The following SEC61A2 variants were observed in gnomAD, a reference collection of about 807,000 sequenced individuals.
SEC61A2 encodes the protein protein transport protein Sec61 subunit alpha isoform 2.
In SEC61A2, 28 loss-of-function variants were observed where a neutral mutation model predicts 59.9. The observed-to-expected ratio is 0.47, with a 90% confidence interval of 0.35 to 0.64. The LOEUF is 0.64. SEC61A2 is among the 30% of genes least tolerant of loss of function. SEC61A2 has a pLI of 0.01. For missense variants in SEC61A2, 340 were observed against 585.9 expected, an observed-to-expected ratio of 0.58 and a Z score of 4.33; for synonymous variants, 202 against 214.4, an observed-to-expected ratio of 0.94 and a Z score of 0.50.
intron 11 of SEC61A2, among the ~76,000 whole-genome samples, chr10:12,163,426 G>A (rs1393503616): frequency 6.6e-6 from 1 of 150,408 alleles, no homozygotes; most frequent in Non-Finnish European, 1.5e-5. Context: ...CTGGGATCAA[G>A]CGATTCTCCT....
chr10:12,139,920 G>C lies in SEC61A2; in HGVS notation c.142-3197G>C, dbSNP rs931458297. ...GGAGGCGGAGCTTGCAGTGAGCCGA[G>C]ATCCCGCCACTGCACTCCAGCCTGG... On this transcript the variant is annotated intron_variant, in intron 3 of 11. Transcript: ENST00000298428. Among the ~76,000 whole-genome samples, 17 of 148,652 alleles carry C rather than the reference G, an allele frequency of 1.1e-4. No individual in the cohort carries two copies. In the South Asian group the frequency reaches 1.5e-3, roughly 13 times the overall value.
rs952774952 is a variant in SEC61A2, at chr10:12,129,936, C to T, written c.7+142C>T. Reference sequence around the variant, plus strand: ...TCCGGGCCTCAGCGGAGGGCACGGGCCGGGGGCCTCCGCCGAGGCTCCCCT... The same window carrying T: ...TCCGGGCCTCAGCGGAGGGCACGGGTCGGGGGCCTCCGCCGAGGCTCCCCT... On this transcript the variant is annotated intron_variant, in intron 1 of 11. Transcript: ENST00000298428. The surrounding 1 kb of genome is among the most constrained non-coding windows in gnomAD (Gnocchi z 5.6). 66 of 718,304 alleles carry T rather than the reference C, an allele frequency of 9.2e-5. No homozygotes were observed. In the African/African-American group the frequency reaches 1.1e-3, roughly 12 times the overall value. The allele number at this position is 718,304 out of a possible 1,614,324, so 44.5% of individuals were successfully genotyped here. A position where few individuals can be genotyped will look rare whatever the true frequency, so the allele number is the denominator to read the frequency against.
chr10:12,156,617 A>G lies in SEC61A2; in HGVS notation c.617-290A>G, dbSNP rs1369486581. ...CTCTCCCTTCCCTGAAGTAGAGGAG[A>G]GGCAAATCTCTATGAATGAAATTTT... On this transcript the variant is annotated intron_variant, in intron 7 of 11. Transcript: ENST00000298428. This position sits in a 1 kb window ranked among gnomAD's most constrained non-coding sequence, Gnocchi z 5.2. Among the ~76,000 whole-genome samples the G allele has an allele frequency of 6.6e-6, 1 of 152,204 alleles. No homozygotes were observed. Among genetic ancestry groups the G allele is most frequent in the Non-Finnish European group, 1.5e-5 (1 of 68,036 alleles).
intron 11 of SEC61A2, among the ~76,000 whole-genome samples, chr10:12,163,440 T>C (rs1834578556): frequency 6.6e-6 from 1 of 150,520 alleles, no homozygotes; most frequent in Non-Finnish European, 1.5e-5. Context: ...TTCTCCTGTC[T>C]CAGCCTCCCT....
chr10:12,161,301 C>T lies in SEC61A2; in HGVS notation c.1167+180C>T, dbSNP rs1359031482. Among the ~76,000 whole-genome samples the T allele has an allele frequency of 2.6e-5, 4 of 152,092 alleles. No individual in the cohort carries two copies. Among genetic ancestry groups the T allele is most frequent in the African/African-American group, 7.2e-5 (3 of 41,384 alleles). On this transcript the variant is annotated intron_variant, in intron 10 of 11. Transcript: ENST00000298428. This position sits in a 1 kb window ranked among gnomAD's most constrained non-coding sequence, Gnocchi z 5.4. ...TAAAAAAATACAAATAAAAATCGGC[C>T]GGGCACGGTGGTGCAAGCCCGTGGT...
chr10:12,151,639 C>A (rs1322068986), intron 6 of SEC61A2, among the ~76,000 whole-genome samples: 1 of 151,656 alleles, frequency 6.6e-6, no homozygotes, highest in Non-Finnish European at 1.5e-5. Flanking sequence ...TTCAAAAGAT[C>A]AAGATCAAGC....
At chr10:12,157,869 T>G (rs372426395) in intron 8 of SEC61A2, 39 bp from the exon 9 acceptor site, 3 of 1,574,496 alleles carry the variant, frequency 1.9e-6, no homozygotes, top group Non-Finnish European at 2.6e-6. Context: ...TTTCTTAATG[T>G]GTCTGGCTCC....
At position 12,156,008 on chromosome 10, in the gene SEC61A2, A is replaced by G. The variant is rs1174976399; in HGVS notation, c.616+77A>G. On this transcript the variant is annotated intron_variant, in intron 7 of 11. Transcript: ENST00000298428. The surrounding 1 kb of genome is among the most constrained non-coding windows in gnomAD (Gnocchi z 5.2). ...GAACAAACCCATCGTGTCGCAGTACATGCCTAGAGCCGTTCTGGTTTGCTC... is the reference window on the plus strand; with the variant it reads ...GAACAAACCCATCGTGTCGCAGTACGTGCCTAGAGCCGTTCTGGTTTGCTC... 17 of 1,510,454 alleles carry G rather than the reference A, an allele frequency of 1.1e-5. No homozygotes were observed. Among genetic ancestry groups the G allele is most frequent in the Non-Finnish European group, 1.6e-5 (17 of 1,090,410 alleles). 93.6% of individuals were successfully genotyped at this position (1,510,454 alleles called of 1,614,324 possible).
In SEC61A2 at chr10:12,161,118, A is replaced by G; in HGVS notation, c.1164A>G (p.Lys388=). The G allele has an allele frequency of 1.2e-6, 2 of 1,604,296 alleles. No individual in the cohort carries two copies. The highest frequency in any genetic ancestry group is 1.7e-6 in the Non-Finnish European group (2 of 1,175,122). ...TWIEVSGSSA[K]DVAKQLKEQQ... is the part of the protein sequence containing the mutation. Reference sequence around the variant, plus strand: ...TTGAAGTGTCTGGTTCCTCAGCCAAAGATGTAAGTGTTTGGTTTATTTTAA... The same window carrying G: ...TTGAAGTGTCTGGTTCCTCAGCCAAGGATGTAAGTGTTTGGTTTATTTTAA... Residue 388 remains lysine, a synonymous_variant, in exon 10 of 12, where the codon AAA becomes AAG. Coordinates refer to ENST00000298428, the MANE Select transcript of SEC61A2 (RefSeq NM_018144.4). This position sits in a 1 kb window ranked among gnomAD's most constrained non-coding sequence, Gnocchi z 5.4.
chr10:12,146,511 C>CT (rs373065135), intron 4 of SEC61A2, among the ~76,000 whole-genome samples: 1,658 of 147,682 alleles, frequency 0.011, 47 homozygotes, highest in East Asian at 0.096. Context: ...TGTTTTTTTC[C>CT]TTTTTTTTTT....
chr10:12,134,845 G>T (rs1833848574), intron 2 of SEC61A2, among the ~76,000 whole-genome samples: 1 of 152,020 alleles, frequency 6.6e-6, no homozygotes, highest in Non-Finnish European at 1.5e-5. Context: ...TTGAACCTGG[G>T]GTGGTAGAGG....
At position 12,156,005 on chromosome 10, in the gene SEC61A2, TACA is replaced by T. The variant is rs1428475768; in HGVS notation, c.616+75_616+77del. On this transcript the variant is annotated intron_variant, in intron 7 of 11. Coordinates refer to ENST00000298428, the MANE Select transcript of SEC61A2 (RefSeq NM_018144.4). This position sits in a 1 kb window ranked among gnomAD's most constrained non-coding sequence, Gnocchi z 5.2. ...TGGGAACAAACCCATCGTGTCGCAG[TACA>T]TGCCTAGAGCCGTTCTGGTTTGCTC... 1.5e-3 allele frequency: 2,247 copies of T among 1,530,312 alleles called. 1 individual carries two copies. Among genetic ancestry groups the T allele is most frequent in the Non-Finnish European group, 1.7e-3 (1,855 of 1,107,314 alleles). The allele number at this position is 1,530,312 out of a possible 1,614,324, so 94.8% of individuals were successfully genotyped here. A position where few individuals can be genotyped will look rare whatever the true frequency, so the allele number is the denominator to read the frequency against.
rs760182574 is a variant in SEC61A2 at position 12,133,315 on chromosome 10, A to G, written c.75+7A>G. 4.7e-6 allele frequency: 7 copies of G among 1,481,468 alleles called. No individual in the cohort carries two copies. Among genetic ancestry groups the G allele is most frequent in the East Asian group, 2.3e-5 (1 of 44,128 alleles). The allele number at this position is 1,481,468 out of a possible 1,614,324, so 91.8% of individuals were successfully genotyped here. On this transcript the variant is annotated splice_region_variant and intron_variant, in intron 2 of 11. Transcript: ENST00000298428. ...TCAGAAACCGGAAAGGAAAGTAAGT[A>G]TAATATTTTAGTAATATAGAGGGTA...
chr10:12,163,452 G>A (rs1471719867), intron 11 of SEC61A2, among the ~76,000 whole-genome samples: 1 of 151,166 alleles, frequency 6.6e-6, no homozygotes, highest in Non-Finnish European at 1.5e-5. Context: ...AGCCTCCCTA[G>A]TAGCAGGGAT....
chr10:12,137,257 C>A (rs571157672), intron 3 of SEC61A2, among the ~76,000 whole-genome samples: 18 of 152,186 alleles, frequency 1.2e-4, no homozygotes, highest in African/African-American at 3.9e-4. Flanking sequence ...CAAATTTTTG[C>A]AATCTTGGGT....
At position 12,147,815 on chromosome 10, in the gene SEC61A2, C is replaced by T. The variant is rs149942831; in HGVS notation, c.221-1780C>T. ...TTGCCAAGGTCCATTTTTTTCTCTA[C>T]TGATTTGAAATGCCATATTTCTTAT... is the stretch of plus-strand genomic sequence containing the variant. On this transcript the variant is annotated intron_variant, in intron 4 of 11. Transcript: ENST00000298428. 6.0e-3 allele frequency among the ~76,000 whole-genome samples: 914 copies of T among 152,070 alleles called. 15 individuals carry two copies. The highest frequency in any genetic ancestry group is 0.021 in the African/African-American group (860 of 41,456).
chr10:12,161,799 T>C lies in SEC61A2; in HGVS notation c.1168-414T>C, dbSNP rs974891076. Among the ~76,000 whole-genome samples the C allele has an allele frequency of 6.6e-6, 1 of 152,186 alleles. No individual in the cohort carries two copies. The highest frequency in any genetic ancestry group is 2.4e-5 in the African/African-American group (1 of 41,452). On this transcript the variant is annotated intron_variant, in intron 10 of 11. Transcript: ENST00000298428. The surrounding 1 kb of genome is among the most constrained non-coding windows in gnomAD (Gnocchi z 5.4). Reference sequence around the variant, plus strand: ...TTTAAAAAAGTAAAATAAAACTTTGTTTTTGGAAAATTCATATTTAATTGT... The same window carrying C: ...TTTAAAAAAGTAAAATAAAACTTTGCTTTTGGAAAATTCATATTTAATTGT...
rs537212365 is a variant in SEC61A2, at chr10:12,163,510, A to C, written c.1245-758A>C. Among the ~76,000 whole-genome samples, 9 of 151,806 alleles carry C rather than the reference A, an allele frequency of 5.9e-5. No homozygotes were observed. In the East Asian group the frequency reaches 1.7e-3, roughly 29 times the overall value. ...CGGCTAATTTTTGTATTTTTAGTAGAGATGGGTTTCCCCATGTTGGCCAGG... is the reference window on the plus strand; with the variant it reads ...CGGCTAATTTTTGTATTTTTAGTAGCGATGGGTTTCCCCATGTTGGCCAGG... On this transcript the variant is annotated intron_variant, in intron 11 of 11. Coordinates refer to ENST00000298428, the MANE Select transcript of SEC61A2 (RefSeq NM_018144.4).
intron 4 of SEC61A2, among the ~76,000 whole-genome samples, chr10:12,147,255 T>C (rs996308185): frequency 6.6e-6 from 1 of 152,250 alleles, no homozygotes; most frequent in Non-Finnish European, 1.5e-5. Flanking sequence ...TTGTATCTAA[T>C]CATATCTTCC....
Sources: allele counts gnomAD v4.1 joint callset (sites outside exome capture counted in the v4.1 genomes callset), GRCh38; gene constraint gnomAD v4.1.1; non-coding constraint Gnocchi (gnomAD v3.1); transcripts MANE v1.5; gene names NCBI Gene and HGNC (gene_info 2026-07-23, HGNC 2026-07-21).